PAK1: variants seen among roughly 807,000 people sequenced by gnomAD.
PAK1 encodes p21 (RAC1) activated kinase 1.
PAK1 carries 29 observed loss-of-function variants against 67.4 expected under a neutral mutation model. The ratio of observed to expected loss-of-function variants is 0.43; its 90% CI spans 0.32 to 0.59. PAK1 has a LOEUF of 0.59. PAK1 is among the 20% of genes least tolerant of loss of function. The pLI is 0.07. For missense variants in PAK1, 337 were observed against 670.7 expected, an observed-to-expected ratio of 0.50 and a Z score of 5.50; for synonymous variants, 223 against 237.4, an observed-to-expected ratio of 0.94 and a Z score of 0.56.
chr11:77,331,678 TAATGCTAAATGACGAG>T (rs1941559287), intron 14 of PAK1, among the ~76,000 whole-genome samples: 1 of 152,020 alleles, frequency 6.6e-6, no homozygotes, highest in Non-Finnish European at 1.5e-5. Flanking sequence ...GAGATATACC[TAATGCTAAATGACGAG>T]TTAATGGGTA....
Position 77,331,651 on chromosome 11 carries a change from T to C in PAK1, c.1551+1079A>G, listed in dbSNP as rs182558927. Among the ~76,000 whole-genome samples, 1,359 of 149,784 alleles carry C rather than the reference T, an allele frequency of 9.1e-3. 22 individuals carry two copies. The highest frequency in any genetic ancestry group is 0.034 in the Middle Eastern group (10 of 294). ...GGACTGTTGTGGGGTCAGGGGAGGGTGGAGGGATAGCATTAAGAGATATAC... is the reference window on the plus strand; with the variant it reads ...GGACTGTTGTGGGGTCAGGGGAGGGCGGAGGGATAGCATTAAGAGATATAC... On this transcript the variant is annotated intron_variant, in intron 14 of 14. Transcript: ENST00000356341.
intron 1 of PAK1, among the ~76,000 whole-genome samples, chr11:77,414,166 A>G (rs1353918823): frequency 6.6e-6 from 1 of 152,208 alleles, no homozygotes; most frequent in Non-Finnish European, 1.5e-5. Context: ...TATGTAGGCT[A>G]ATTTATTATG....
chr11:77,346,208 G>A (rs778751042), intron 9 of PAK1, among the ~76,000 whole-genome samples: 8 of 152,128 alleles, frequency 5.3e-5, no homozygotes, highest in Non-Finnish European at 1.2e-4. Flanking sequence ...TCCTGATCTC[G>A]TAATCTGCCT....
At chr11:77,327,775 C>T (rs1940394119) in intron 14 of PAK1, among the ~76,000 whole-genome samples, 1 of 152,178 alleles carries the variant, frequency 6.6e-6, no homozygotes, top group Non-Finnish European at 1.5e-5. Context: ...ATCAAATTCA[C>T]ACATAACAAT....
At chr11:77,358,737 T>C (rs757029645) in intron 6 of PAK1, 161 bp downstream of exon 6, 30 of 713,344 alleles carry the variant, frequency 4.2e-5, no homozygotes, top group Middle Eastern at 2.5e-4. Flanking sequence ...TCTTTAATCA[T>C]ACAGAAAGTA....
the PAK1 span, among the ~76,000 whole-genome samples, chr11:77,519,716 TG>T: frequency 7.0e-4 from 106 of 152,318 alleles, no homozygotes; most frequent in East Asian, 0.017. Flanking sequence ...TAGGTCTAGT[TG>T]GTCACCTGGA....
intron 14 of PAK1, among the ~76,000 whole-genome samples, chr11:77,332,496 T>C (rs1320744880): frequency 6.7e-6 from 1 of 148,932 alleles, no homozygotes; most frequent in African/African-American, 2.5e-5. Flanking sequence ...GCTCAGAAAA[T>C]AGATTGTAAA....
At chr11:77,341,019 C>T (rs756566732) in intron 10 of PAK1, among the ~76,000 whole-genome samples, 1 of 152,144 alleles carries the variant, frequency 6.6e-6, no homozygotes, top group African/African-American at 2.4e-5. Context: ...AGATCTCTAG[C>T]TTGAAGTGAT....
chr11:77,443,989 A>C (rs1956478375), intron 1 of PAK1, among the ~76,000 whole-genome samples: 1 of 152,188 alleles, frequency 6.6e-6, no homozygotes. Flanking sequence ...TCACAGCAAC[A>C]CTGGAGAGCA....
the PAK1 span, among the ~76,000 whole-genome samples, chr11:77,486,977 G>A: frequency 1.3e-5 from 2 of 152,168 alleles, no homozygotes; most frequent in Non-Finnish European, 2.9e-5. Flanking sequence ...GGGTAACCAA[G>A]GAAATGCTTG....
intron 1 of PAK1, among the ~76,000 whole-genome samples, chr11:77,392,786 G>A (rs1450540841): frequency 6.6e-6 from 1 of 152,154 alleles, no homozygotes; most frequent in East Asian, 1.9e-4. Flanking sequence ...ACATTGCAAA[G>A]CACGGAAAAC....
chr11:77,420,891 C>T (rs952109079), intron 1 of PAK1, among the ~76,000 whole-genome samples: 25 of 152,202 alleles, frequency 1.6e-4, no homozygotes, highest in African/African-American at 5.3e-4. Flanking sequence ...TAGTATAGCC[C>T]CTCATAACAA....
At chr11:77,328,046 A>G (rs1441302729) in intron 14 of PAK1, among the ~76,000 whole-genome samples, 6 of 152,230 alleles carry the variant, frequency 3.9e-5, no homozygotes, top group Non-Finnish European at 8.8e-5. Context: ...GAAGGCCATT[A>G]CATAATGGTA....
the PAK1 span, among the ~76,000 whole-genome samples, chr11:77,516,556 TTAAC>T: frequency 6.6e-6 from 1 of 152,204 alleles, no homozygotes; most frequent in Non-Finnish European, 1.5e-5. Flanking sequence ...AACTGTCTCT[TTAAC>T]TGTGAACTGT....
chr11:77,497,595 C>T, the PAK1 span, among the ~76,000 whole-genome samples: 3 of 152,170 alleles, frequency 2.0e-5, no homozygotes, highest in Non-Finnish European at 4.4e-5. Context: ...GCTCTGAGAT[C>T]GTGTGTGTGG....
chr11:77,368,981 A>G (rs957099674), intron 5 of PAK1, among the ~76,000 whole-genome samples: 2 of 152,344 alleles, frequency 1.3e-5, no homozygotes, highest in South Asian at 2.1e-4. Flanking sequence ...TGATCTTCAC[A>G]TGTCCAAACA....
At chr11:77,433,439 T>A (rs930159105) in intron 1 of PAK1, among the ~76,000 whole-genome samples, 1 of 152,190 alleles carries the variant, frequency 6.6e-6, no homozygotes, top group Admixed American at 6.5e-5. Flanking sequence ...AAACATATAT[T>A]TGATAGGAGA....
intron 1 of PAK1, among the ~76,000 whole-genome samples, chr11:77,471,876 AC>A (rs1407738855): frequency 1.4e-4 from 22 of 152,284 alleles, no homozygotes; most frequent in African/African-American, 5.3e-4. Context: ...CAAGCTTTTT[AC>A]CAAATGCCCT....
At chr11:77,489,781 C>T in the PAK1 span, among the ~76,000 whole-genome samples, 1 of 151,836 alleles carries the variant, frequency 6.6e-6, no homozygotes, top group Admixed American at 6.5e-5. Context: ...AGTGCAGTGG[C>T]GTGATCTCGG....
Sources: gnomAD v4.1 joint callset for allele counts (sites outside exome capture counted in the v4.1 genomes callset) on GRCh38, gnomAD v4.1.1 for gene constraint, MANE v1.5 for transcripts, NCBI Gene and HGNC (gene_info 2026-07-23, HGNC 2026-07-21) for gene names.